RBBP8: variants seen among roughly 807,000 people sequenced by gnomAD.
The protein encoded by RBBP8 is RB binding protein 8, endonuclease, also known as DNA endonuclease RBBP8.
RBBP8 carries 88 observed loss-of-function variants against 108.3 expected under a neutral mutation model. The ratio of observed to expected loss-of-function variants is 0.81; its 90% CI spans 0.68 to 0.97. The LOEUF is 0.97. Ranked by LOEUF, RBBP8 falls within the 50% of genes least tolerant of loss-of-function variation. The pLI is 0.00. For synonymous variants in RBBP8, 332 were observed against 348.2 expected, an observed-to-expected ratio of 0.95 and a Z score of 0.52; for missense variants, 1,023 against 1,049.0, an observed-to-expected ratio of 0.98 and a Z score of 0.34.
At position 22,993,815 on chromosome 18, in the gene RBBP8, C is replaced by G. The variant is rs1347536008; in HGVS notation, c.1907C>G (p.Thr636Ser). ...ASVLQLNPCRTGKIKSLQNNQ... is the reference protein window; with the variant it reads ...ASVLQLNPCRSGKIKSLQNNQ... ...GTTCTTCAGTTAAATCCATGTAGAA[C>G]TGGTAAAATAAAGTCTCTACAAAAC... The change falls in exon 12 of 19, where the codon ACT (threonine) becomes AGT (serine). Residue 636 changes from threonine to serine, a missense_variant. Physicochemically the swap from Thr to Ser is moderately conservative, Grantham distance 58 (BLOSUM62 1). Transcript: ENST00000327155. The G allele has an allele frequency of 6.2e-7, 1 of 1,613,612 alleles. No homozygotes were observed.
At chr18:22,990,434 T>C (rs963651233) in intron 9 of RBBP8, among the ~76,000 whole-genome samples, 1 of 152,234 alleles carries the variant, frequency 6.6e-6, no homozygotes, top group African/African-American at 2.4e-5. Context: ...TGTTGTTTTT[T>C]GGAATTGGAG....
At chr18:23,001,940 C>T (rs912161127) in intron 15 of RBBP8, among the ~76,000 whole-genome samples, 2 of 152,066 alleles carry the variant, frequency 1.3e-5, no homozygotes, top group Admixed American at 6.6e-5. Context: ...ACCTTTGACC[C>T]AACCTCTCCT....
In RBBP8 at chr18:23,016,887, G is replaced by T; in HGVS notation, c.2417G>T (p.Arg806Ile). The T allele has an allele frequency of 6.2e-7, 1 of 1,613,860 alleles. No homozygotes were observed. Among genetic ancestry groups the T allele is most frequent in the Non-Finnish European group, 8.5e-7 (1 of 1,179,924 alleles). Residue 806 changes from arginine to isoleucine, a missense_variant, in exon 17 of 19, where the codon AGA (arginine) becomes ATA (isoleucine). Transcript: ENST00000327155. Reference protein sequence around the residue: ...IEVVRKKEERRKLLGHTCKEC... With the variant: ...IEVVRKKEERIKLLGHTCKEC... ...GTGGTTCGGAAAAAAGAGGAGAGAA[G>T]AAAACTGCTTGGGCACACGTGTAAG... is the stretch of plus-strand genomic sequence containing the variant.
intron 12 of RBBP8, among the ~76,000 whole-genome samples, chr18:22,994,213 C>T (rs371510895): frequency 3.4e-5 from 5 of 148,450 alleles, no homozygotes; most frequent in South Asian, 2.1e-4. Flanking sequence ...TTAGTAGAGA[C>T]GGGGTTTCAC....
Position 22,940,430 on chromosome 18 carries a change from C to T in RBBP8, c.109+3470C>T, listed in dbSNP as rs1910984804. On this transcript the variant is annotated intron_variant, in intron 2 of 18. Coordinates refer to ENST00000327155, the MANE Select transcript of RBBP8 (RefSeq NM_002894.3). ...CCACCTCCTGGATTCATGCCATTCT[C>T]CTGCCTCAGCCTCCTGACTAGCTGG... is the stretch of plus-strand genomic sequence containing the variant. 2.0e-5 allele frequency among the ~76,000 whole-genome samples: 3 copies of T among 149,610 alleles called. 1 individual carries two copies. Among genetic ancestry groups the T allele is most frequent in the African/African-American group, 7.4e-5 (3 of 40,392 alleles).
intron 16 of RBBP8, among the ~76,000 whole-genome samples, chr18:23,014,296 T>G (rs572478670): frequency 3.9e-5 from 6 of 152,304 alleles, no homozygotes; most frequent in African/African-American, 1.4e-4. Flanking sequence ...ACTTTCAAGT[T>G]CTCTTATTTA....
At chr18:23,010,791 G>A (rs1295411290) in intron 16 of RBBP8, among the ~76,000 whole-genome samples, 3 of 152,144 alleles carry the variant, frequency 2.0e-5, no homozygotes, top group Non-Finnish European at 4.4e-5. Context: ...TTTCCACTGA[G>A]AATACTAAGA....
chr18:22,989,730 A>G (rs561469224), intron 9 of RBBP8, among the ~76,000 whole-genome samples: 2 of 152,230 alleles, frequency 1.3e-5, no homozygotes, highest in Admixed American at 1.3e-4. Flanking sequence ...GGCTATTCAC[A>G]GACACAGTCA....
rs368600707 is a variant in RBBP8 at position 23,012,207 on chromosome 18, C to CAAAAAAAAAAAAA, written c.2358-4621_2358-4620insAAAAAAAAAAAAA. ...TGGGAGACAAAGTGAGATGCTGTCT[C>CAAAAAAAAAAAAA]CAAAAAAAAAAAAAAAAAAAAAAAC... On this transcript the variant is annotated intron_variant, in intron 16 of 18. Coordinates refer to ENST00000327155, the MANE Select transcript of RBBP8 (RefSeq NM_002894.3). 1.8e-4 allele frequency among the ~76,000 whole-genome samples: 15 copies of CAAAAAAAAAAAAA among 81,144 alleles called. 5 individuals are homozygous for CAAAAAAAAAAAAA. Among genetic ancestry groups the CAAAAAAAAAAAAA allele is most frequent in the Admixed American group, 1.7e-4 (1 of 5,892 alleles). 53.2% of individuals were successfully genotyped at this position (81,144 alleles called of 152,430 possible).
At chr18:23,022,668 T>TAAATAATAAAAATAAAATAAAAA (rs1175474463) in intron 18 of RBBP8, among the ~76,000 whole-genome samples, 1 of 136,030 alleles carries the variant, frequency 7.4e-6, no homozygotes. Flanking sequence ...TAAAATAAAA[T>TAAATAATAAAAATAAAATAAAAA]AAATAACTGT....
chr18:22,942,389 A>G (rs1344260807), intron 2 of RBBP8, among the ~76,000 whole-genome samples: 1 of 152,090 alleles, frequency 6.6e-6, no homozygotes, highest in Non-Finnish European at 1.5e-5. Flanking sequence ...ATATGACAGT[A>G]TGTGCACTGA....
chr18:22,942,197 T>C (rs1056783292), intron 2 of RBBP8, among the ~76,000 whole-genome samples: 2 of 152,106 alleles, frequency 1.3e-5, no homozygotes, highest in Admixed American at 1.3e-4. Context: ...TCATGACTTT[T>C]AAAGCTTCAT....
At chr18:22,953,217 C>A (rs906829779) in intron 4 of RBBP8, among the ~76,000 whole-genome samples, 1 of 152,190 alleles carries the variant, frequency 6.6e-6, no homozygotes, top group Admixed American at 6.5e-5. Context: ...CTGCTTTCCT[C>A]ATTTATAGCA....
intron 4 of RBBP8, among the ~76,000 whole-genome samples, chr18:22,966,892 A>G (rs551452034): frequency 6.6e-6 from 1 of 151,830 alleles, no homozygotes; most frequent in Non-Finnish European, 1.5e-5. Flanking sequence ...ACATCCAGCT[A>G]ATTTTTGTTT....
chr18:23,026,130 A>G lies in RBBP8; in HGVS notation c.2597-13A>G. 6.3e-7 allele frequency: 1 copy of G among 1,595,504 alleles called. No homozygotes were observed. Among genetic ancestry groups the G allele is most frequent in the Non-Finnish European group, 8.6e-7 (1 of 1,163,680 alleles). ...GCACATACAGTCTTCTAAGTTTATGATTTGTTTTTAAGGTTATATTAAGGA... is the reference window on the plus strand; with the variant it reads ...GCACATACAGTCTTCTAAGTTTATGGTTTGTTTTTAAGGTTATATTAAGGA... On this transcript the variant is annotated splice_polypyrimidine_tract_variant and intron_variant, in intron 18 of 18. Transcript: ENST00000327155.
intron 14 of RBBP8, among the ~76,000 whole-genome samples, chr18:23,000,445 AAAGT>A (rs2045928140): frequency 6.6e-6 from 1 of 152,212 alleles, no homozygotes; most frequent in Non-Finnish European, 1.5e-5. Flanking sequence ...TTCATTACAA[AAAGT>A]AAGCATGAAA....
At chr18:22,998,534 GT>G (rs2045896897) in intron 14 of RBBP8, among the ~76,000 whole-genome samples, 1 of 152,230 alleles carries the variant, frequency 6.6e-6, no homozygotes, top group Admixed American at 6.5e-5. Flanking sequence ...ATGAACAGTT[GT>G]CATTTATCAT....
At chr18:22,968,603 A>G (rs1383981087) in intron 4 of RBBP8, among the ~76,000 whole-genome samples, 2 of 152,220 alleles carry the variant, frequency 1.3e-5, no homozygotes, top group African/African-American at 2.4e-5. Flanking sequence ...GCAGATTTTT[A>G]TAGAATTGCA....
chr18:22,951,941 C>T (rs1912083745), intron 4 of RBBP8, among the ~76,000 whole-genome samples: 2 of 152,154 alleles, frequency 1.3e-5, no homozygotes, highest in African/African-American at 4.8e-5. Flanking sequence ...GCTGTCTTAA[C>T]TGAGACTTGA....
Sources: gnomAD v4.1 joint callset for allele counts (sites outside exome capture counted in the v4.1 genomes callset) on GRCh38, gnomAD v4.1.1 for gene constraint, MANE v1.5 for transcripts, NCBI Gene and HGNC (gene_info 2026-07-23, HGNC 2026-07-21) for gene names.